NRXN1: variants seen among roughly 807,000 people sequenced by gnomAD.
NRXN1 encodes the protein neurexin-1.
A neutral mutation model predicts 150.9 loss-of-function variants in NRXN1; 39 were observed. The ratio of observed to expected loss-of-function variants is 0.26; its 90% CI spans 0.20 to 0.34. The LOEUF is 0.34. Ranked by LOEUF, NRXN1 falls within the 10% of genes least tolerant of loss-of-function variation. The pLI is 1.00. For synonymous variants in NRXN1, 924 were observed against 757.0 expected, an observed-to-expected ratio of 1.22 and a Z score of -3.62; for missense variants, 1,815 against 1,949.9, an observed-to-expected ratio of 0.93 and a Z score of 1.30.
chr2:50,817,003 C>T (rs1669029041), intron 5 of NRXN1, among the ~76,000 whole-genome samples: 1 of 151,930 alleles, frequency 6.6e-6, no homozygotes, highest in African/African-American at 2.4e-5. Flanking sequence ...TTACACAGGG[C>T]TCTCGGAGAT....
At chr2:50,575,190 T>G (rs1026662780) in intron 8 of NRXN1, among the ~76,000 whole-genome samples, 8 of 152,218 alleles carry the variant, frequency 5.3e-5, no homozygotes, top group African/African-American at 1.9e-4. Context: ...TGGTATTCAG[T>G]GCCTTTTCCC....
At chr2:50,599,466 A>G (rs1156764732) in intron 8 of NRXN1, among the ~76,000 whole-genome samples, 1 of 152,234 alleles carries the variant, frequency 6.6e-6, no homozygotes, top group Non-Finnish European at 1.5e-5. Context: ...ATCTCTAACA[A>G]TGCCAAATGC....
At chr2:50,111,993 C>T (rs1423175537) in intron 18 of NRXN1, among the ~76,000 whole-genome samples, 1 of 151,718 alleles carries the variant, frequency 6.6e-6, no homozygotes, top group African/African-American at 2.4e-5. Flanking sequence ...TTAATTAGGG[C>T]ACCACTTTTC....
At chr2:50,439,158 G>T (rs996350194) in intron 17 of NRXN1, among the ~76,000 whole-genome samples, 2 of 152,164 alleles carry the variant, frequency 1.3e-5, no homozygotes, top group Non-Finnish European at 2.9e-5. Context: ...AATACCTCCA[G>T]CACTAAGAGT....
At chr2:49,955,391 C>T (rs1331943857) in intron 21 of NRXN1, among the ~76,000 whole-genome samples, 1 of 152,068 alleles carries the variant, frequency 6.6e-6, no homozygotes, top group East Asian at 1.9e-4. Flanking sequence ...ACATTATACC[C>T]CATGGCTGGA....
intron 12 of NRXN1, among the ~76,000 whole-genome samples, chr2:50,512,583 A>C (rs1448435973): frequency 3.3e-5 from 5 of 152,178 alleles, no homozygotes; most frequent in South Asian, 4.1e-4. Flanking sequence ...TTTTACAGAC[A>C]TCTCCATGGG....
intron 19 of NRXN1, among the ~76,000 whole-genome samples, chr2:50,089,115 A>G (rs1699203095): frequency 6.6e-6 from 1 of 152,200 alleles, no homozygotes; most frequent in Non-Finnish European, 1.5e-5. Flanking sequence ...TCCCAAACTA[A>G]TGGGACTTTC....
At chr2:50,942,639 G>C (rs760214817) in intron 2 of NRXN1, among the ~76,000 whole-genome samples, 5 of 152,196 alleles carry the variant, frequency 3.3e-5, no homozygotes, top group Admixed American at 2.6e-4. Flanking sequence ...CATGGGGCCT[G>C]TAGCCCCTTT....
chr2:50,954,922 T>G (rs556317971), intron 2 of NRXN1, among the ~76,000 whole-genome samples: 14 of 152,206 alleles, frequency 9.2e-5, no homozygotes, highest in African/African-American at 3.1e-4. Context: ...GTGTACAGCA[T>G]TTTTGCTATA....
chr2:50,028,976 G>A (rs1688783812), intron 21 of NRXN1, among the ~76,000 whole-genome samples: 1 of 152,202 alleles, frequency 6.6e-6, no homozygotes, highest in African/African-American at 2.4e-5. Context: ...TGCTGTTAGT[G>A]AGTTTGATGG....
intron 9 of NRXN1, among the ~76,000 whole-genome samples, chr2:50,541,705 C>T (rs1473920647): frequency 6.6e-6 from 1 of 151,232 alleles, no homozygotes; most frequent in Non-Finnish European, 1.5e-5. Context: ...ACCCACCCAC[C>T]CACACCCACA....
At chr2:50,940,397 C>T (rs776984808) in intron 2 of NRXN1, among the ~76,000 whole-genome samples, 5 of 151,632 alleles carry the variant, frequency 3.3e-5, no homozygotes, top group Non-Finnish European at 7.4e-5. Flanking sequence ...ACTGCTTGAA[C>T]CCGGGAGGTG....
chr2:50,576,958 A>G (rs904541709), intron 8 of NRXN1, among the ~76,000 whole-genome samples: 2 of 151,976 alleles, frequency 1.3e-5, no homozygotes, highest in South Asian at 4.2e-4. Context: ...ATTCTTGCTA[A>G]TCTTTTCTGA....
intron 18 of NRXN1, among the ~76,000 whole-genome samples, chr2:50,191,942 C>T (rs926451251): frequency 6.6e-6 from 1 of 152,050 alleles, no homozygotes; most frequent in African/African-American, 2.4e-5. Context: ...GCTAGGAAGA[C>T]ATATCTAAAT....
chr2:50,980,713 G>T (rs1306072860), intron 2 of NRXN1, among the ~76,000 whole-genome samples: 3 of 152,028 alleles, frequency 2.0e-5, no homozygotes, highest in Admixed American at 2.0e-4. Flanking sequence ...TTGTTAAAAT[G>T]CCACAACGCT....
intron 17 of NRXN1, among the ~76,000 whole-genome samples, chr2:50,266,002 ATTTT>A (rs747310591): frequency 0.067 from 5,705 of 84,532 alleles, 186 homozygotes; most frequent in African/African-American, 0.13. Context: ...ATTATTATTT[ATTTT>A]TTTTTTTTTT....
At chr2:50,496,838 T>C (rs2091660716) in intron 14 of NRXN1, among the ~76,000 whole-genome samples, 1 of 152,200 alleles carries the variant, frequency 6.6e-6, no homozygotes, top group Non-Finnish European at 1.5e-5. Flanking sequence ...TAAAATACAT[T>C]AAATTTTCCT....
At position 49,919,447 on chromosome 2, in the gene NRXN1, C is replaced by CATAG. The variant is rs1426211665; in HGVS notation, c.*2493_*2496dup. 1 of 151,928 alleles carries CATAG rather than the reference C, an allele frequency of 6.6e-6. No homozygotes were observed. The highest frequency in any genetic ancestry group is 2.4e-5 in the African/African-American group (1 of 41,406). The allele number at this position is 151,928 out of a possible 1,614,324, so 9.4% of individuals were successfully genotyped here. On this transcript the variant is annotated 3_prime_UTR_variant, in exon 23 of 23. Coordinates refer to ENST00000401669, the MANE Select transcript of NRXN1 (RefSeq NM_001330078.2). ...GAAATCAATCCCAAACAACACATTT[C>CATAG]ATAGATATACTGCTTAAAATTACCA...
intron 17 of NRXN1, among the ~76,000 whole-genome samples, chr2:50,391,151 G>C (rs1336329410): frequency 6.6e-6 from 1 of 152,022 alleles, no homozygotes; most frequent in Non-Finnish European, 1.5e-5. Flanking sequence ...GAGTGAGGCA[G>C]GGCAGATGAA....
Sources: allele counts gnomAD v4.1 joint callset (sites outside exome capture counted in the v4.1 genomes callset), GRCh38; gene constraint gnomAD v4.1.1; transcripts MANE v1.5; gene names NCBI Gene and HGNC (gene_info 2026-07-23, HGNC 2026-07-21).